The following DNM1L variants were observed in gnomAD, a reference collection of about 807,000 sequenced individuals.
DNM1L encodes dynamin 1L.
A neutral mutation model predicts 92.8 loss-of-function variants in DNM1L; 33 were observed. The ratio of observed to expected loss-of-function variants is 0.36; its 90% confidence interval spans 0.27 to 0.48. DNM1L has a LOEUF of 0.48. Among genes scored for constraint, DNM1L ranks in the 20% least tolerant of loss-of-function variants. DNM1L has a pLI of 0.99. For synonymous variants in DNM1L, 284 were observed against 305.0 expected (o/e 0.93, Z 0.72); for missense variants, 485 against 888.8 (o/e 0.55, Z 5.78).
chr12:32,714,042 A>T (rs1000824450), intron 6 of DNM1L, among the ~76,000 whole-genome samples: 1 of 152,158 alleles, frequency 6.6e-6, no homozygotes. Context: ...CATAGTATAT[A>T]TAAAATGCTA....
At chr12:32,732,570 C>A in intron 12 of DNM1L, 1 of 455,708 alleles carries the variant, frequency 2.2e-6, no homozygotes, top group Non-Finnish European at 4.4e-6. Flanking sequence ...GATGGTGAAC[C>A]CCGTGGAGGT....
At chr12:32,736,936 T>C (rs1026896938) in intron 13 of DNM1L, 169 bp from the exon 14 acceptor site, 21 of 671,928 alleles carry the variant, frequency 3.1e-5, no homozygotes, top group Non-Finnish European at 5.2e-5. Context: ...AAGCTTTGGG[T>C]TAAATGATTT....
chr12:32,705,652 CTTAAT>C (rs1952893270), intron 2 of DNM1L: 1 of 600,264 alleles, frequency 1.7e-6, no homozygotes. Flanking sequence ...CAGTGGGATT[CTTAAT>C]TTTTCTTCTT....
intron 12 of DNM1L, 23 bp from the exon 13 acceptor site, chr12:32,733,692 C>G (rs181908241): frequency 6.3e-7 from 1 of 1,591,262 alleles, no homozygotes; most frequent in Non-Finnish European, 8.6e-7. Flanking sequence ...TTTTGTATAT[C>G]GCCTAACTTA....
chr12:32,681,068 A>G (rs1294596324), intron 1 of DNM1L, among the ~76,000 whole-genome samples: 1 of 152,180 alleles, frequency 6.6e-6, no homozygotes, highest in Non-Finnish European at 1.5e-5. Flanking sequence ...TGGTCAGTAA[A>G]CCTGTTGGCA....
At chr12:32,684,829 C>T (rs991492762) in intron 1 of DNM1L, among the ~76,000 whole-genome samples, 7 of 152,102 alleles carry the variant, frequency 4.6e-5, no homozygotes, top group Admixed American at 2.6e-4. Context: ...TGTATAGATA[C>T]AGCACAGTTT....
Position 32,710,979 on chromosome 12 carries a change from C to T in DNM1L, c.420C>T (p.Val140=), listed in dbSNP as rs1175405000. The T allele has an allele frequency of 1.9e-6, 3 of 1,613,794 alleles. No homozygotes were observed. Among genetic ancestry groups the T allele is most frequent in the Non-Finnish European group, 2.5e-6 (3 of 1,179,928 alleles). The change falls in exon 5 of 20, where the codon GTC becomes GTT. Residue 140 remains valine (V), a synonymous_variant. Transcript: ENST00000549701. ...TTAAGATTTTTTCACCCAACGTTGT[C>T]AATTTGACACTTGTGGATTTGCCAG... is the stretch of plus-strand genomic sequence containing the variant. The part of the protein sequence containing the change: ...IHLKIFSPNV[V]NLTLVDLPGM...
chr12:32,685,112 T>G (rs1027016975), intron 1 of DNM1L, among the ~76,000 whole-genome samples: 1 of 151,790 alleles, frequency 6.6e-6, no homozygotes, highest in African/African-American at 2.4e-5. Context: ...GCTAATTTTT[T>G]GTTTTTAGTA....
rs768276200 is a variant in DNM1L at position 32,684,477 on chromosome 12, CT to C, written c.102+5023del. 1.8e-3 allele frequency among the ~76,000 whole-genome samples: 270 copies of C among 146,036 alleles called. 3 individuals are homozygous for C. Among genetic ancestry groups the C allele is most frequent in the Non-Finnish European group, 2.6e-4 (17 of 66,096 alleles). On this transcript the variant is annotated intron_variant, in intron 1 of 19. Transcript: ENST00000549701. Reference sequence around the variant, plus strand: ...CAGGCATCTGTTGCTCAACATAATTCTTTTTTTTTTTCTTTTTTGAGACAGA... The same window carrying C: ...CAGGCATCTGTTGCTCAACATAATTCTTTTTTTTTTCTTTTTTGAGACAGA...
At chr12:32,698,797 C>G (rs565889995) in intron 1 of DNM1L, among the ~76,000 whole-genome samples, 110 of 152,034 alleles carry the variant, frequency 7.2e-4, no homozygotes, top group Non-Finnish European at 1.2e-3. Context: ...ATCGCATTAG[C>G]TGTTAGTATT....
intron 9 of DNM1L, among the ~76,000 whole-genome samples, chr12:32,724,588 AAAAAAATAT>A (rs1415038747): frequency 1.8e-3 from 124 of 68,046 alleles, no homozygotes; most frequent in African/African-American, 4.1e-3. Flanking sequence ...AAAAAAAAAA[AAAAAAATAT>A]ATATATATAT....
chr12:32,685,851 C>T (rs1592561723), intron 1 of DNM1L, among the ~76,000 whole-genome samples: 1 of 152,122 alleles, frequency 6.6e-6, no homozygotes, highest in East Asian at 1.9e-4. Context: ...ATGTCCCTCT[C>T]TCTTTTTTTT....
At chr12:32,680,714 A>C (rs1951771857) in intron 1 of DNM1L, among the ~76,000 whole-genome samples, 1 of 152,182 alleles carries the variant, frequency 6.6e-6, no homozygotes, top group Non-Finnish European at 1.5e-5. Context: ...TTTTTTATTG[A>C]ACATAATTTT....
intron 13 of DNM1L, among the ~76,000 whole-genome samples, chr12:32,734,780 G>C (rs1459206057): frequency 6.6e-6 from 1 of 152,200 alleles, no homozygotes; most frequent in Non-Finnish European, 1.5e-5. Flanking sequence ...TTGCACTCCA[G>C]CCTGGGCAAC....
intron 13 of DNM1L, 42 bp downstream of exon 13, chr12:32,733,849 C>A: frequency 6.4e-7 from 1 of 1,552,210 alleles, no homozygotes; most frequent in South Asian, 1.1e-5. Flanking sequence ...GTAGAAAAAT[C>A]TGTTGTAACT....
At chr12:32,726,061 C>T (rs542617357) in intron 9 of DNM1L, among the ~76,000 whole-genome samples, 19 of 149,900 alleles carry the variant, frequency 1.3e-4, no homozygotes, top group Admixed American at 6.0e-4. Context: ...GAAAAAATTA[C>T]GAAAAAAAAA....
intron 3 of DNM1L, among the ~76,000 whole-genome samples, chr12:32,707,916 A>G (rs146487317): frequency 1.3e-5 from 2 of 151,514 alleles, no homozygotes; most frequent in African/African-American, 4.8e-5. Context: ...GTGCCACTGT[A>G]CTCCAGTCTG....
chr12:32,738,180 A>G, intron 15 of DNM1L, 84 bp from the exon 16 acceptor site: 2 of 1,507,598 alleles, frequency 1.3e-6, no homozygotes, highest in South Asian at 2.3e-5. Context: ...TAAAGAGGAA[A>G]TTATCCTGCA....
At chr12:32,697,842 T>C (rs1305213712) in intron 1 of DNM1L, among the ~76,000 whole-genome samples, 1 of 151,648 alleles carries the variant, frequency 6.6e-6, no homozygotes, top group Non-Finnish European at 1.5e-5. Context: ...ATCAGCAAAA[T>C]ATTTGGCCAA....
Sources: allele counts gnomAD v4.1 joint callset (sites outside exome capture counted in the v4.1 genomes callset), GRCh38; gene constraint gnomAD v4.1.1; transcripts MANE v1.5; gene names NCBI Gene and HGNC (gene_info 2026-07-23, HGNC 2026-07-21).